ACTR10: variants seen among roughly 807,000 people sequenced by gnomAD.
ACTR10 encodes actin-related protein 10.
A neutral mutation model predicts 56.2 loss-of-function variants in ACTR10; 43 were observed. The observed-to-expected ratio is 0.77, with a 90% CI of 0.60 to 0.99. The LOEUF is 0.99. ACTR10 is among the 50% of genes least tolerant of loss of function. The pLI is 0.00. For missense variants in ACTR10, 466 were observed against 507.8 expected (o/e 0.92, Z 0.79); for synonymous variants, 170 against 176.3 (o/e 0.96, Z 0.28).
intron 10 of ACTR10, among the ~76,000 whole-genome samples, chr14:58,227,846 T>C (rs762839717): frequency 1.3e-5 from 2 of 152,248 alleles, no homozygotes; most frequent in Non-Finnish European, 2.9e-5. Flanking sequence ...TGTATATGTA[T>C]AGTTAATTTT....
intron 1 of ACTR10, among the ~76,000 whole-genome samples, chr14:58,202,428 A>AG (rs1366985876): frequency 1.3e-5 from 2 of 151,804 alleles, no homozygotes; most frequent in East Asian, 1.9e-4. Flanking sequence ...AAAAAAAAAA[A>AG]AAAAAATTAG....
At chr14:58,200,394 T>C in intron 1 of ACTR10, 100 bp downstream of exon 1, 1 of 937,474 alleles carries the variant, frequency 1.1e-6, no homozygotes, top group South Asian at 2.9e-5. Context: ...GCTGGGCAGC[T>C]CCGGGCCTCC....
At chr14:58,216,394 T>C (rs1031703631) in intron 7 of ACTR10, among the ~76,000 whole-genome samples, 1 of 152,180 alleles carries the variant, frequency 6.6e-6, no homozygotes, top group Non-Finnish European at 1.5e-5. Flanking sequence ...CCTCCCAAAA[T>C]GCTGGGATTA....
At chr14:58,220,363 A>ATGC (rs138828946) in intron 8 of ACTR10, among the ~76,000 whole-genome samples, 2 of 151,744 alleles carry the variant, frequency 1.3e-5, no homozygotes, top group Non-Finnish European at 2.9e-5. Flanking sequence ...GGGCTGTGAA[A>ATGC]TGTTATTTGT....
intron 2 of ACTR10, among the ~76,000 whole-genome samples, chr14:58,206,868 A>G (rs1212694): frequency 0.75 from 113,963 of 152,104 alleles, 43,557 homozygotes; most frequent in Middle Eastern, 0.89. Flanking sequence ...TCTTGTGCAT[A>G]GAGCTTATAA....
At chr14:58,225,322 A>G (rs1889371820) in intron 10 of ACTR10, among the ~76,000 whole-genome samples, 2 of 152,226 alleles carry the variant, frequency 1.3e-5, no homozygotes, top group Admixed American at 6.5e-5. Context: ...ACATAATCAT[A>G]TTAGTAACAA....
At chr14:58,231,504 T>C (rs1370057726) in intron 11 of ACTR10, among the ~76,000 whole-genome samples, 1 of 152,220 alleles carries the variant, frequency 6.6e-6, no homozygotes, top group Non-Finnish European at 1.5e-5. Flanking sequence ...TATGTAATTA[T>C]AGGACTTCGC....
At chr14:58,223,292 A>G (rs1196284618) in intron 8 of ACTR10, among the ~76,000 whole-genome samples, 1 of 151,848 alleles carries the variant, frequency 6.6e-6, no homozygotes, top group Non-Finnish European at 1.5e-5. Flanking sequence ...ACCCGCCACC[A>G]CGCCCGGCTA....
At chr14:58,204,751 A>G (rs1408823818) in intron 2 of ACTR10, among the ~76,000 whole-genome samples, 2 of 152,218 alleles carry the variant, frequency 1.3e-5, no homozygotes, top group East Asian at 3.9e-4. Flanking sequence ...TTTTCTTATG[A>G]ATAGATCTGA....
chr14:58,234,435 C>G lies in ACTR10; in HGVS notation c.1138C>G (p.Gln380Glu). The stretch of plus-strand genomic sequence containing the variant: ...TTCTGTTTCAAAGGAATATTATAAT[C>G]AGACGGGCCGTATACCTGATTGGTG... ...SRSVSKEYYNQTGRIPDWCSL... is the reference protein window; with the variant it reads ...SRSVSKEYYNETGRIPDWCSL... Residue 380 changes from glutamine (Q) to glutamate (E), a missense_variant, in exon 13 of 13, where the codon CAG becomes GAG. Coordinates refer to ENST00000254286, the MANE Select transcript of ACTR10 (RefSeq NM_018477.3). The G allele has an allele frequency of 6.2e-7, 1 of 1,612,950 alleles. No individual in the cohort carries two copies. Among genetic ancestry groups the G allele is most frequent in the Non-Finnish European group, 8.5e-7 (1 of 1,179,336 alleles).
chr14:58,205,424 C>T (rs921193262), intron 2 of ACTR10, among the ~76,000 whole-genome samples: 6 of 149,778 alleles, frequency 4.0e-5, no homozygotes, highest in African/African-American at 7.4e-5. Flanking sequence ...ATGCCATTCT[C>T]CTGCCTCAGC....
At chr14:58,231,975 AATAGT>A in intron 11 of ACTR10, 86 bp from the exon 12 acceptor site, 1 of 720,894 alleles carries the variant, frequency 1.4e-6, no homozygotes, top group Non-Finnish European at 2.1e-6. Context: ...TATGTATAAT[AATAGT>A]ATATTTATGT....
chr14:58,233,626 T>C (rs1266648530), intron 12 of ACTR10, among the ~76,000 whole-genome samples: 1 of 152,202 alleles, frequency 6.6e-6, no homozygotes, highest in Admixed American at 6.5e-5. Context: ...AAATTATACA[T>C]GGATTTTCAA....
chr14:58,230,378 C>T (rs746585824), intron 10 of ACTR10, 21 bp from the exon 11 acceptor site: 4 of 1,468,512 alleles, frequency 2.7e-6, no homozygotes, highest in South Asian at 1.3e-5. Context: ...ACAGAAAGCT[C>T]TCTTTTTCAA....
intron 7 of ACTR10, among the ~76,000 whole-genome samples, chr14:58,216,545 T>C (rs1889139401): frequency 6.6e-6 from 1 of 152,220 alleles, no homozygotes; most frequent in South Asian, 2.1e-4. Flanking sequence ...AAAATCTGAG[T>C]TTGTTCTACC....
chr14:58,200,378 C>G (rs1172683319), intron 1 of ACTR10, 84 bp downstream of exon 1: 4 of 1,194,090 alleles, frequency 3.3e-6, no homozygotes, highest in Admixed American at 3.4e-5. Context: ...TCCTCATCGC[C>G]GACTCGCTGG....
At chr14:58,204,471 A>C (rs951713763) in intron 2 of ACTR10, among the ~76,000 whole-genome samples, 4 of 152,186 alleles carry the variant, frequency 2.6e-5, no homozygotes, top group African/African-American at 9.7e-5. Flanking sequence ...GGATCACTTG[A>C]GCCCAGGAGG....
At chr14:58,233,774 G>A (rs1369185287) in intron 12 of ACTR10, among the ~76,000 whole-genome samples, 3 of 152,316 alleles carry the variant, frequency 2.0e-5, no homozygotes, top group East Asian at 3.9e-4. Flanking sequence ...GAGCTAGAAG[G>A]TATCAGGATT....
intron 12 of ACTR10, 137 bp downstream of exon 12, chr14:58,232,404 CTTTTTTT>C (rs5808963): frequency 1.0e-3 from 138 of 135,662 alleles, no homozygotes; most frequent in Middle Eastern, 3.6e-3. Context: ...CTGACTTTTT[CTTTTTTT>C]TTTTTTTTTT....
Sources: gnomAD v4.1 joint callset for allele counts (sites outside exome capture counted in the v4.1 genomes callset) on GRCh38, gnomAD v4.1.1 for gene constraint, MANE v1.5 for transcripts, NCBI Gene and HGNC (gene_info 2026-07-23, HGNC 2026-07-21) for gene names.